MAP2K1: variants seen among roughly 807,000 people sequenced by gnomAD.
The protein encoded by MAP2K1 is mitogen-activated protein kinase kinase 1.
MAP2K1 carries 16 observed loss-of-function variants against 46.3 expected under a neutral mutation model. That is an observed-to-expected ratio of 0.35 (90% confidence interval 0.23 to 0.52). The LOEUF is 0.52. Ranked by LOEUF, MAP2K1 falls within the 20% of genes least tolerant of loss-of-function variation. MAP2K1 has a pLI of 0.94. For missense variants in MAP2K1, 263 were observed against 497.1 expected (o/e 0.53, Z 4.48); for synonymous variants, 183 against 185.6 (o/e 0.99, Z 0.11).
intron 7 of MAP2K1, among the ~76,000 whole-genome samples, chr15:66,486,737 A>G (rs1178269456): frequency 6.6e-6 from 1 of 152,132 alleles, no homozygotes; most frequent in Admixed American, 6.5e-5. Flanking sequence ...CACATGAGAG[A>G]GAGCTTGTAT....
intron 1 of MAP2K1, among the ~76,000 whole-genome samples, chr15:66,400,532 G>A (rs980110373): frequency 2.6e-4 from 39 of 152,126 alleles, no homozygotes; most frequent in Non-Finnish European, 5.3e-4. Flanking sequence ...TGTTTCTGTT[G>A]TTCACTTCCA....
chr15:66,457,257 C>A (rs1464051991), intron 5 of MAP2K1, among the ~76,000 whole-genome samples: 2 of 152,132 alleles, frequency 1.3e-5, no homozygotes, highest in Non-Finnish European at 2.9e-5. Context: ...TAGCGGGGAT[C>A]ACAGGCATGT....
At chr15:66,481,035 G>A (rs982849305) in intron 5 of MAP2K1, among the ~76,000 whole-genome samples, 1 of 152,170 alleles carries the variant, frequency 6.6e-6, no homozygotes, top group African/African-American at 2.4e-5. Flanking sequence ...GTGGGATGGG[G>A]TGATAATAAG....
chr15:66,437,904 C>T (rs1165062502), intron 3 of MAP2K1, among the ~76,000 whole-genome samples: 2 of 151,990 alleles, frequency 1.3e-5, no homozygotes, highest in Non-Finnish European at 2.9e-5. Flanking sequence ...CTGTGGGAAG[C>T]ATATGAACAT....
At chr15:66,421,825 A>G (rs1305715222) in intron 1 of MAP2K1, among the ~76,000 whole-genome samples, 1 of 150,058 alleles carries the variant, frequency 6.7e-6, no homozygotes, top group East Asian at 1.9e-4. Flanking sequence ...AAAAACAGCA[A>G]CAAACCAATT....
At chr15:66,449,581 C>T (rs1414886256) in intron 5 of MAP2K1, among the ~76,000 whole-genome samples, 1 of 152,130 alleles carries the variant, frequency 6.6e-6, no homozygotes, top group Non-Finnish European at 1.5e-5. Flanking sequence ...AAAGTATACA[C>T]TTAAAATGGT....
chr15:66,441,205 ATCC>A (rs1032395320), intron 3 of MAP2K1, among the ~76,000 whole-genome samples: 1 of 152,026 alleles, frequency 6.6e-6, no homozygotes, highest in African/African-American at 2.4e-5. Context: ...GCCTCAAGCA[ATCC>A]TCCTGCCTTG....
At chr15:66,480,380 G>A (rs907950106) in intron 5 of MAP2K1, among the ~76,000 whole-genome samples, 1 of 152,042 alleles carries the variant, frequency 6.6e-6, no homozygotes, top group African/African-American at 2.4e-5. Flanking sequence ...GTGAGGCATC[G>A]CCCGGCTTTT....
At position 66,491,424 on chromosome 15, in the gene MAP2K1, C is replaced by T. The variant is rs892686251; in HGVS notation, c.*809C>T. ...CAAGTACCAATGCTGTTGTAAACAA[C>T]GTGTATAGTGCCTAAAATTGTATGA... On this transcript the variant is annotated 3_prime_UTR_variant, in exon 11 of 11. Transcript: ENST00000307102. The T allele has an allele frequency of 8.8e-6, 2 of 227,408 alleles. No homozygotes were observed. The highest frequency in any genetic ancestry group is 6.4e-5 in the East Asian group (1 of 15,510). The allele number at this position is 227,408 out of a possible 1,614,324, so 14.1% of individuals were successfully genotyped here. A position where few individuals can be genotyped will look rare whatever the true frequency, so the allele number is the denominator to read the frequency against.
At chr15:66,444,472 G>T (rs542815167) in intron 4 of MAP2K1, among the ~76,000 whole-genome samples, 184 bp from the exon 5 acceptor site, 21 of 152,314 alleles carry the variant, frequency 1.4e-4, no homozygotes, top group African/African-American at 4.3e-4. Flanking sequence ...GGTGGAGGTT[G>T]TGGTGAGCCG....
At chr15:66,476,655 T>G (rs977796634) in intron 5 of MAP2K1, among the ~76,000 whole-genome samples, 2 of 151,974 alleles carry the variant, frequency 1.3e-5, no homozygotes, top group Admixed American at 6.6e-5. Flanking sequence ...GTGGAGGGCA[T>G]GGAAAGGCAG....
At chr15:66,420,900 CATACATACACACACAT>C (rs2093439744) in intron 1 of MAP2K1, among the ~76,000 whole-genome samples, 2 of 126,912 alleles carry the variant, frequency 1.6e-5, no homozygotes, top group African/African-American at 6.0e-5. Flanking sequence ...TATACACATA[CATACATACACACACAT>C]ACATACATAT....
At chr15:66,459,396 C>T (rs1165767964) in intron 5 of MAP2K1, among the ~76,000 whole-genome samples, 1 of 151,310 alleles carries the variant, frequency 6.6e-6, no homozygotes, top group East Asian at 1.9e-4. Context: ...ATGGGTGGAT[C>T]ACTTGAGGTC....
In MAP2K1 at chr15:66,388,792, G is replaced by A. The variant is rs1474053682; in HGVS notation, c.80+1365G>A. ...GTGTTCAGCTGTGTTTTTCAGACCTGCTCCCAACAGACTCTCTTCTTTAGT... is the reference window on the plus strand; with the variant it reads ...GTGTTCAGCTGTGTTTTTCAGACCTACTCCCAACAGACTCTCTTCTTTAGT... On this transcript the variant is annotated intron_variant, in intron 1 of 10. Coordinates refer to ENST00000307102, the MANE Select transcript of MAP2K1 (RefSeq NM_002755.4). 2.0e-5 allele frequency among the ~76,000 whole-genome samples: 3 copies of A among 151,938 alleles called. No individual in the cohort carries two copies. The East Asian group carries it at 5.8e-4, about 29-fold the overall frequency.
At chr15:66,434,097 A>G (rs765928395) in intron 1 of MAP2K1, among the ~76,000 whole-genome samples, 24 of 152,244 alleles carry the variant, frequency 1.6e-4, no homozygotes, top group Non-Finnish European at 2.8e-4. Flanking sequence ...GTATTTAGGT[A>G]TCAGATAAAC....
intron 5 of MAP2K1, among the ~76,000 whole-genome samples, chr15:66,448,152 C>A (rs77569140): frequency 1.1e-3 from 92 of 86,922 alleles, no homozygotes; most frequent in African/African-American, 2.2e-3. Flanking sequence ...GACTCCATCT[C>A]AAAAAAAAAA....
At chr15:66,452,300 A>AAG (rs755054372) in intron 5 of MAP2K1, among the ~76,000 whole-genome samples, 7,414 of 48,320 alleles carry the variant, frequency 0.15, 266 homozygotes, top group Middle Eastern at 0.22. Context: ...AAAAAAAAAA[A>AAG]AAAGAAAAAA....
chr15:66,485,160 C>G lies in MAP2K1; in HGVS notation c.864C>G (p.Pro288=). 1.2e-6 allele frequency: 2 copies of G among 1,614,004 alleles called. No homozygotes were observed. The highest frequency in any genetic ancestry group is 1.7e-6 in the Non-Finnish European group (2 of 1,180,038). Residue 288 remains proline (P), a synonymous_variant, in exon 7 of 11, where the codon CCC becomes CCG. Coordinates refer to ENST00000307102, the MANE Select transcript of MAP2K1 (RefSeq NM_002755.4). ...QVEGDAAETP[P]RPRTPGRPLS... ...AAGGAGATGCGGCTGAGACCCCACC[C>G]AGGCCAAGGACCCCCGGGAGGCCCC...
chr15:66,402,788 T>A (rs1365909930), intron 1 of MAP2K1, among the ~76,000 whole-genome samples: 1 of 152,208 alleles, frequency 6.6e-6, no homozygotes, highest in Non-Finnish European at 1.5e-5. Context: ...TATATATGCA[T>A]TTGTAGATTT....
Sources: gnomAD v4.1 joint callset for allele counts (sites outside exome capture counted in the v4.1 genomes callset) on GRCh38, gnomAD v4.1.1 for gene constraint, MANE v1.5 for transcripts, NCBI Gene and HGNC (gene_info 2026-07-23, HGNC 2026-07-21) for gene names.